KCNH1: variants seen among roughly 807,000 people sequenced by gnomAD.
The protein encoded by KCNH1 is potassium voltage-gated channel subfamily H member 1.
KCNH1 carries 27 observed loss-of-function variants against 69.2 expected under a neutral mutation model. The ratio of observed to expected loss-of-function variants is 0.39; its 90% CI spans 0.29 to 0.54. KCNH1 has a LOEUF of 0.54. Among genes scored for constraint, KCNH1 ranks in the 20% least tolerant of loss-of-function variants. KCNH1 has a pLI of 0.68. For missense variants in KCNH1, 798 were observed against 1,261.6 expected (o/e 0.63, Z 5.57); for synonymous variants, 456 against 487.7 (o/e 0.93, Z 0.86).
Position 210,791,376 on chromosome 1 carries a change from C to T in KCNH1, c.1915+6132G>A, listed in dbSNP as rs185482806. On this transcript the variant is annotated intron_variant, in intron 9 of 10. Transcript: ENST00000271751. ...CTATAGATTCAGAACCTGTGGGGAA[C>T]AACTGGGGCTTGGCATGATGCACAA... 1.9e-3 allele frequency among the ~76,000 whole-genome samples: 288 copies of T among 152,322 alleles called. 1 individual carries two copies. The highest frequency in any genetic ancestry group is 4.6e-3 in the Admixed American group (70 of 15,308).
intron 1 of KCNH1, among the ~76,000 whole-genome samples, chr1:211,128,446 T>C (rs1034044240): frequency 6.6e-6 from 1 of 152,080 alleles, no homozygotes; most frequent in Non-Finnish European, 1.5e-5. Flanking sequence ...TATAGTGGGT[T>C]TTTTTAGGAA....
chr1:211,122,918 C>A (rs186710074), intron 1 of KCNH1, among the ~76,000 whole-genome samples: 4 of 150,916 alleles, frequency 2.7e-5, no homozygotes, highest in African/African-American at 9.7e-5. Context: ...CAAACCTGCA[C>A]GTTCTGCATA....
At chr1:210,892,983 G>C (rs1447034692) in intron 7 of KCNH1, among the ~76,000 whole-genome samples, 1 of 152,148 alleles carries the variant, frequency 6.6e-6, no homozygotes, top group Admixed American at 6.6e-5. Context: ...AGAGCCTTGG[G>C]AGGGATACTG....
chr1:210,821,253 T>C (rs1303298772), intron 7 of KCNH1, among the ~76,000 whole-genome samples: 7 of 152,102 alleles, frequency 4.6e-5, no homozygotes, highest in Non-Finnish European at 1.0e-4. Flanking sequence ...GACATATGAA[T>C]TGGGGAAGGG....
chr1:210,805,361 A>G (rs1024911865), intron 7 of KCNH1, among the ~76,000 whole-genome samples: 1 of 152,158 alleles, frequency 6.6e-6, no homozygotes, highest in Non-Finnish European at 1.5e-5. Flanking sequence ...CTATGTTTTG[A>G]CATATATACA....
intron 6 of KCNH1, among the ~76,000 whole-genome samples, chr1:210,966,696 C>T: frequency 6.6e-6 from 1 of 152,158 alleles, no homozygotes. Flanking sequence ...GAATGGCAAT[C>T]ATTAAAAAGA....
intron 7 of KCNH1, chr1:210,859,155 T>C (rs1685919744): frequency 7.1e-7 from 1 of 1,412,486 alleles, no homozygotes; most frequent in African/African-American, 1.4e-5. Context: ...AATCACACAG[T>C]AGGAAAGAAA....
At chr1:210,882,720 G>A (rs1686523057) in intron 7 of KCNH1, among the ~76,000 whole-genome samples, 1 of 152,126 alleles carries the variant, frequency 6.6e-6, no homozygotes, top group Admixed American at 6.6e-5. Flanking sequence ...GGAGTAGGAG[G>A]GGAAAATCAT....
chr1:210,936,212 C>T (rs547339182), intron 6 of KCNH1, among the ~76,000 whole-genome samples: 5 of 152,294 alleles, frequency 3.3e-5, no homozygotes, highest in Admixed American at 1.3e-4. Flanking sequence ...CTTTCAACCC[C>T]GTATTACTCA....
intron 7 of KCNH1, among the ~76,000 whole-genome samples, chr1:210,831,884 A>C (rs11119615): frequency 0.09 from 13,718 of 152,124 alleles, 668 homozygotes; most frequent in Non-Finnish European, 0.11. Flanking sequence ...GATGTACTGT[A>C]TCTATGTGCT....
chr1:210,815,204 G>A (rs192095633), intron 7 of KCNH1, among the ~76,000 whole-genome samples: 4 of 152,292 alleles, frequency 2.6e-5, no homozygotes, highest in African/African-American at 9.6e-5. Context: ...GCATGTTAAA[G>A]TTTGAGAAAC....
At position 210,836,672 on chromosome 1, in the gene KCNH1, G is replaced by A. The variant is rs558505851; in HGVS notation, c.1463-32506C>T. Reference sequence around the variant, plus strand: ...AATACCAAGATAAAAAATATATGGCGTCTCTCCTCATGGAGCTGGGGTCTC... The same window carrying A: ...AATACCAAGATAAAAAATATATGGCATCTCTCCTCATGGAGCTGGGGTCTC... On this transcript the variant is annotated intron_variant, in intron 7 of 10. Transcript: ENST00000271751. Among the ~76,000 whole-genome samples, 36 of 152,234 alleles carry A rather than the reference G, an allele frequency of 2.4e-4. 1 individual carries two copies. In the South Asian group the frequency reaches 5.6e-3, roughly 24 times the overall value.
chr1:210,742,371 G>T (rs186202820), intron 10 of KCNH1, among the ~76,000 whole-genome samples: 12 of 152,268 alleles, frequency 7.9e-5, no homozygotes, highest in Non-Finnish European at 1.2e-4. Context: ...GGAGCCCATG[G>T]TTTTTATCTT....
chr1:210,780,183 C>G (rs1683949305), intron 9 of KCNH1, among the ~76,000 whole-genome samples: 1 of 152,062 alleles, frequency 6.6e-6, no homozygotes, highest in Non-Finnish European at 1.5e-5. Context: ...TGATCTGAAC[C>G]CTACAACTAA....
At chr1:210,808,846 T>C (rs1684640238) in intron 7 of KCNH1, among the ~76,000 whole-genome samples, 1 of 152,122 alleles carries the variant, frequency 6.6e-6, no homozygotes, top group East Asian at 1.9e-4. Flanking sequence ...TGAATAGATA[T>C]ATGAGTGTGA....
chr1:210,883,881 A>G lies in KCNH1; in HGVS notation c.1462+35759T>C, dbSNP rs1330696755. On this transcript the variant is annotated intron_variant, in intron 7 of 10. Transcript: ENST00000271751. ...TTATTACACTGATAAATGACTGAAC[A>G]AGATTCATCAAATGATTAAACTTGG... 3.9e-5 allele frequency among the ~76,000 whole-genome samples: 6 copies of G among 152,382 alleles called. No homozygotes were observed. The South Asian group carries it at 1.2e-3, about 32-fold the overall frequency.
chr1:210,684,056 G>C lies in KCNH1; in HGVS notation c.2195C>G (p.Pro732Arg). ...KRKNEAPLIL[P>R]PDHPVRRLFQ... is the part of the protein sequence containing the mutation. ...GAGGCGCCGGACAGGGTGGTCCGGGGGCAAGATCAGGGGGGCCTCATTCTT... is the reference window on the plus strand; with the variant it reads ...GAGGCGCCGGACAGGGTGGTCCGGGCGCAAGATCAGGGGGGCCTCATTCTT... The change falls in exon 11 of 11, where the codon CCC becomes CGC. Residue 732 changes from proline (P) to arginine (R), a missense_variant. Physicochemically the swap from Pro to Arg is moderately radical, Grantham distance 103. This residue lies in a region of KCNH1 where 331 missense variants were observed against 363.2 expected (regional missense o/e 0.91). Transcript: ENST00000271751. 4 of 1,540,390 alleles carry C rather than the reference G, an allele frequency of 2.6e-6. No homozygotes were observed. Among genetic ancestry groups the C allele is most frequent in the Non-Finnish European group, 3.5e-6 (4 of 1,142,418 alleles).
At chr1:210,938,317 T>A (rs544608349) in intron 6 of KCNH1, among the ~76,000 whole-genome samples, 5 of 152,302 alleles carry the variant, frequency 3.3e-5, no homozygotes, top group African/African-American at 9.6e-5. Context: ...ACATATAATA[T>A]CTCTAGAAAC....
chr1:210,750,070 G>A (rs892797477), intron 10 of KCNH1, among the ~76,000 whole-genome samples: 8 of 152,258 alleles, frequency 5.3e-5, no homozygotes, highest in African/African-American at 1.2e-4. Context: ...CTGCAGGCAC[G>A]TGGGCTGAAA....
Sources: gnomAD v4.1 joint callset for allele counts (sites outside exome capture counted in the v4.1 genomes callset) on GRCh38, gnomAD v4.1.1 for gene constraint, gnomAD v4.1.1 regional missense constraint, MANE v1.5 for transcripts, NCBI Gene and HGNC (gene_info 2026-07-23, HGNC 2026-07-21) for gene names.